Variants in ZCWPW2 observed in about 807,000 individuals in gnomAD.
The protein encoded by ZCWPW2 is zinc finger CW-type and PWWP domain containing 2, also known as zinc finger CW-type PWWP domain protein 2.
In ZCWPW2, 45 loss-of-function variants were observed where a neutral mutation model predicts 46.6. The ratio of observed to expected loss-of-function variants is 0.96; its 90% confidence interval spans 0.76 to 1.24. ZCWPW2 has a LOEUF of 1.24. ZCWPW2 is among the 50% of genes most tolerant of loss of function. ZCWPW2 has a pLI of 0.00. For missense variants in ZCWPW2, 429 were observed against 403.9 expected, an observed-to-expected ratio of 1.06 and a Z score of -0.53; for synonymous variants, 152 against 137.1, an observed-to-expected ratio of 1.11 and a Z score of -0.76.
chr3:28,398,491 A>G (rs149314969), intron 2 of ZCWPW2, among the ~76,000 whole-genome samples: 1 of 152,300 alleles, frequency 6.6e-6, no homozygotes, highest in South Asian at 2.1e-4. Flanking sequence ...GGAGGCTCAC[A>G]TCATGAATTT....
intron 6 of ZCWPW2, among the ~76,000 whole-genome samples, chr3:28,507,563 T>C (rs1046717040): frequency 1.3e-5 from 2 of 152,018 alleles, no homozygotes; most frequent in Non-Finnish European, 2.9e-5. Context: ...ATGAATTTAT[T>C]ACAAATTTTA....
Position 28,414,018 on chromosome 3 carries a change from G to C in ZCWPW2, c.332+618G>C, listed in dbSNP as rs572788234. On this transcript the variant is annotated intron_variant, in intron 3 of 9. Coordinates refer to ENST00000383768, the MANE Select transcript of ZCWPW2 (RefSeq NM_001040432.4). ...CTAGGTTGGTTTTCCCAAGTATGCAGTGTGCACTTTCAGTATATAACTTCA... is the reference window on the plus strand; with the variant it reads ...CTAGGTTGGTTTTCCCAAGTATGCACTGTGCACTTTCAGTATATAACTTCA... Among the ~76,000 whole-genome samples, 4 of 152,092 alleles carry C rather than the reference G, an allele frequency of 2.6e-5. No homozygotes were observed. In the East Asian group the frequency reaches 7.7e-4, roughly 29 times the overall value.
intron 6 of ZCWPW2, among the ~76,000 whole-genome samples, chr3:28,501,932 G>A (rs1257764817): frequency 2.6e-5 from 4 of 151,606 alleles, no homozygotes; most frequent in African/African-American, 9.7e-5. Context: ...TATTTTTTTT[G>A]TAGAGACAAG....
At chr3:28,508,764 G>A (rs1018408605) in intron 6 of ZCWPW2, among the ~76,000 whole-genome samples, 1 of 152,162 alleles carries the variant, frequency 6.6e-6, no homozygotes, top group African/African-American at 2.4e-5. Context: ...CTGACCTCAA[G>A]TGATCTGCCC....
In ZCWPW2 at chr3:28,487,442, C is replaced by T. The variant is rs1463345292; in HGVS notation, c.611-4685C>T. 5.9e-5 allele frequency among the ~76,000 whole-genome samples: 9 copies of T among 152,128 alleles called. No individual in the cohort carries two copies. In the South Asian group the frequency reaches 1.9e-3, roughly 32 times the overall value. ...ATTTATGTTGCATTACTTTTGCTCT[C>T]AACCATTTCTTGTGAATCTTTCTTA... On this transcript the variant is annotated intron_variant, in intron 5 of 9. Coordinates refer to ENST00000383768, the MANE Select transcript of ZCWPW2 (RefSeq NM_001040432.4).
chr3:28,393,328 A>G lies in ZCWPW2; in HGVS notation c.-14+2711A>G, dbSNP rs190227486. ...ATCAAAATTTCTCATCAAAGAGATG[A>G]TAACTTCGCTGCTGAATACTACCAA... is the stretch of plus-strand genomic sequence containing the variant. On this transcript the variant is annotated intron_variant, in intron 2 of 9. Coordinates refer to ENST00000383768, the MANE Select transcript of ZCWPW2 (RefSeq NM_001040432.4). 2.6e-5 allele frequency among the ~76,000 whole-genome samples: 4 copies of G among 152,214 alleles called. No homozygotes were observed. The East Asian group carries it at 7.7e-4, about 29-fold the overall frequency.
At position 28,526,115 on chromosome 3, in the gene ZCWPW2, T is replaced by G. The variant is rs902868050; in HGVS notation, c.*1427T>G. On this transcript the variant is annotated 3_prime_UTR_variant, in exon 10 of 10. Transcript: ENST00000383768. ...GGATGGAACTATGCAAACCAAGCAC[T>G]GTTGTGAGGAATAAATGAGATATTT... Among the ~76,000 whole-genome samples, 2 of 152,174 alleles carry G rather than the reference T, an allele frequency of 1.3e-5. No homozygotes were observed. Among genetic ancestry groups the G allele is most frequent in the African/African-American group, 4.8e-5 (2 of 41,444 alleles).
At chr3:28,367,795 T>A (rs1705177607) in intron 1 of ZCWPW2, among the ~76,000 whole-genome samples, 1 of 152,130 alleles carries the variant, frequency 6.6e-6, no homozygotes, top group Non-Finnish European at 1.5e-5. Flanking sequence ...TCTTTGTAGG[T>A]CTCTAAGGAC....
chr3:28,357,382 C>T (rs1343544154), intron 1 of ZCWPW2, among the ~76,000 whole-genome samples: 1 of 152,144 alleles, frequency 6.6e-6, no homozygotes, highest in Non-Finnish European at 1.5e-5. Flanking sequence ...TATGTGTCAA[C>T]TTGAATGTGT....
intron 6 of ZCWPW2, among the ~76,000 whole-genome samples, chr3:28,510,010 C>T (rs530467958): frequency 5.6e-4 from 85 of 152,236 alleles, no homozygotes; most frequent in Middle Eastern, 3.4e-3. Flanking sequence ...ACAGGTTGAA[C>T]TTCATTTTGC....
At chr3:28,378,782 T>C (rs1348829976) in intron 1 of ZCWPW2, among the ~76,000 whole-genome samples, 2 of 152,120 alleles carry the variant, frequency 1.3e-5, no homozygotes, top group Non-Finnish European at 2.9e-5. Flanking sequence ...CTTTGACGAG[T>C]GTTCATTTAG....
At position 28,348,953 on chromosome 3, in the gene ZCWPW2, T is replaced by G; in HGVS notation, c.-384T>G. 4.1e-6 allele frequency: 4 copies of G among 984,654 alleles called. No individual in the cohort carries two copies. In the South Asian group the frequency reaches 1.9e-4, roughly 46 times the overall value. 61.0% of individuals were successfully genotyped at this position (984,654 alleles called of 1,614,324 possible). A position where few individuals can be genotyped will look rare whatever the true frequency, so the allele number is the denominator to read the frequency against. On this transcript the variant is annotated 5_prime_UTR_variant, in exon 1 of 10. Coordinates refer to ENST00000383768, the MANE Select transcript of ZCWPW2 (RefSeq NM_001040432.4). ...GAGGGAGGGGAAGCACTCCGGAAAG[T>G]GATTGGAAGTGTGGATGAGCTCTCA...
At chr3:28,519,128 G>A (rs1430815311) in intron 8 of ZCWPW2, among the ~76,000 whole-genome samples, 2 of 152,158 alleles carry the variant, frequency 1.3e-5, no homozygotes, top group Non-Finnish European at 2.9e-5. Context: ...ACAGATCTAT[G>A]TGGATGCAAC....
At chr3:28,520,824 CATA>C (rs1700702035) in intron 8 of ZCWPW2, among the ~76,000 whole-genome samples, 165 bp from the exon 9 acceptor site, 1 of 152,188 alleles carries the variant, frequency 6.6e-6, no homozygotes. Flanking sequence ...CCTTGAAATT[CATA>C]ATAATTTTGT....
At chr3:28,516,872 C>A (rs1020928973) in intron 8 of ZCWPW2, among the ~76,000 whole-genome samples, 1 of 150,332 alleles carries the variant, frequency 6.7e-6, no homozygotes, top group Non-Finnish European at 1.5e-5. Flanking sequence ...AATAACTGGG[C>A]ATGGTGGCAC....
intron 2 of ZCWPW2, among the ~76,000 whole-genome samples, chr3:28,395,723 T>G (rs1243145488): frequency 6.6e-6 from 1 of 152,030 alleles, no homozygotes; most frequent in East Asian, 1.9e-4. Flanking sequence ...GGAAACAAAG[T>G]AGAAGGGTGG....
At chr3:28,443,731 T>C (rs1697863849) in intron 4 of ZCWPW2, among the ~76,000 whole-genome samples, 1 of 152,182 alleles carries the variant, frequency 6.6e-6, no homozygotes, top group Non-Finnish European at 1.5e-5. Context: ...TGTAGTTGAG[T>C]AACTGTGGTT....
intron 2 of ZCWPW2, among the ~76,000 whole-genome samples, chr3:28,398,771 G>A (rs1440267596): frequency 6.6e-6 from 1 of 152,196 alleles, no homozygotes; most frequent in African/African-American, 2.4e-5. Flanking sequence ...AGCGGAAGCA[G>A]CAGGAAAAGA....
chr3:28,505,533 A>G (rs1700252808), intron 6 of ZCWPW2, among the ~76,000 whole-genome samples: 1 of 152,182 alleles, frequency 6.6e-6, no homozygotes, highest in Non-Finnish European at 1.5e-5. Context: ...TCTAGGCCCA[A>G]AGACTTAACT....
Sources: gnomAD v4.1 joint callset for allele counts (sites outside exome capture counted in the v4.1 genomes callset) on GRCh38, gnomAD v4.1.1 for gene constraint, MANE v1.5 for transcripts, NCBI Gene and HGNC (gene_info 2026-07-23, HGNC 2026-07-21) for gene names.